The following REEP3 variants were observed in gnomAD, a reference collection of about 807,000 sequenced individuals.
REEP3 encodes the protein receptor accessory protein 3.
A neutral mutation model predicts 41.3 loss-of-function variants in REEP3; 20 were observed. The ratio of observed to expected loss-of-function variants is 0.48; its 90% CI spans 0.34 to 0.70. REEP3 has a LOEUF of 0.70. Among genes scored for constraint, REEP3 ranks in the 30% least tolerant of loss-of-function variants. REEP3 has a pLI of 0.01. For synonymous variants in REEP3, 104 were observed against 101.8 expected, an observed-to-expected ratio of 1.02 and a Z score of -0.13; for missense variants, 271 against 308.8, an observed-to-expected ratio of 0.88 and a Z score of 0.92.
At chr10:63,594,654 A>G (rs898127448) in intron 2 of REEP3, 124 bp from the exon 3 acceptor site, 1 of 675,680 alleles carries the variant, frequency 1.5e-6, no homozygotes, top group Non-Finnish European at 2.6e-6. Context: ...CATACTATGT[A>G]TCCAGAAATA....
At chr10:63,574,481 T>C (rs1371702144) in intron 2 of REEP3, among the ~76,000 whole-genome samples, 1 of 152,216 alleles carries the variant, frequency 6.6e-6, no homozygotes, top group African/African-American at 2.4e-5. Flanking sequence ...AATCAGTAAG[T>C]AGTAGTAAAT....
At chr10:63,619,992 C>T (rs1956341670) in intron 7 of REEP3, among the ~76,000 whole-genome samples, 192 bp downstream of exon 7, 1 of 137,944 alleles carries the variant, frequency 7.2e-6, no homozygotes, top group African/African-American at 2.8e-5. Flanking sequence ...AATTGGAGTG[C>T]AGTGTGGCGT....
chr10:63,533,283 C>A (rs553524587), intron 1 of REEP3, among the ~76,000 whole-genome samples: 4 of 152,270 alleles, frequency 2.6e-5, no homozygotes, highest in Admixed American at 1.3e-4. Flanking sequence ...GAACAACAAG[C>A]CTAGTCGTTC....
intron 5 of REEP3, among the ~76,000 whole-genome samples, chr10:63,603,226 TGG>T: frequency 7.1e-6 from 1 of 139,874 alleles, no homozygotes; most frequent in South Asian, 2.3e-4. Context: ...GGCAGGAGAA[TGG>T]TGTGAACCCA....
chr10:63,526,482 G>T (rs1240334637), intron 1 of REEP3, among the ~76,000 whole-genome samples: 1 of 152,194 alleles, frequency 6.6e-6, no homozygotes, highest in African/African-American at 2.4e-5. Context: ...TCATTGATAT[G>T]AATTGCCAGA....
At chr10:63,608,000 G>A (rs1173058820) in intron 5 of REEP3, among the ~76,000 whole-genome samples, 1 of 152,148 alleles carries the variant, frequency 6.6e-6, no homozygotes, top group Non-Finnish European at 1.5e-5. Flanking sequence ...TGAGTAAAGG[G>A]TATCATGGAC....
intron 2 of REEP3, among the ~76,000 whole-genome samples, chr10:63,573,870 G>T (rs1589872235): frequency 6.6e-6 from 1 of 152,114 alleles, no homozygotes; most frequent in South Asian, 2.1e-4. Flanking sequence ...TAATAATTTA[G>T]AAAGTTTAAA....
In REEP3 at chr10:63,618,117, C is replaced by T. The variant is rs952613259; in HGVS notation, c.566-1538C>T. Among the ~76,000 whole-genome samples, 11 of 151,098 alleles carry T rather than the reference C, an allele frequency of 7.3e-5. No individual in the cohort carries two copies. In the South Asian group the frequency reaches 1.0e-3, roughly 14 times the overall value. On this transcript the variant is annotated intron_variant, in intron 6 of 7. Transcript: ENST00000373758. ...CTGGGATTACAGGTGTGAGCCACTG[C>T]GCCTGGCTGTAAGTCCTTCCACTTT... is the stretch of plus-strand genomic sequence containing the variant.
In REEP3 at chr10:63,621,754, AT is replaced by A. The variant is rs1185282599; in HGVS notation, c.*889del. 6.6e-6 allele frequency: 1 copy of A among 152,292 alleles called. No homozygotes were observed. Among genetic ancestry groups the A allele is most frequent in the East Asian group, 1.9e-4 (1 of 5,198 alleles). The allele number at this position is 152,292 out of a possible 1,614,324, so 9.4% of individuals were successfully genotyped here. ...ACATGTTTTTGTCAACACCAATTACATTTTCAGCTTTTAAAAATGGTAGCTT... is the reference window on the plus strand; with the variant it reads ...ACATGTTTTTGTCAACACCAATTACATTTCAGCTTTTAAAAATGGTAGCTT... On this transcript the variant is annotated 3_prime_UTR_variant, in exon 8 of 8. Coordinates refer to ENST00000373758, the MANE Select transcript of REEP3 (RefSeq NM_001001330.3).
At chr10:63,610,417 G>A in intron 6 of REEP3, 83 bp downstream of exon 6, 1 of 1,331,354 alleles carries the variant, frequency 7.5e-7, no homozygotes, top group Non-Finnish European at 1.0e-6. Context: ...GTCGGGGGGT[G>A]GGGCACAAGG....
In REEP3 at chr10:63,521,490, G is replaced by A. The variant is rs1430895754; in HGVS notation, c.-56G>A. On this transcript the variant is annotated 5_prime_UTR_variant, in exon 1 of 8. Transcript: ENST00000373758. ...CGCGCGGCCTGCCGTTGGCGGCCTG[G>A]TCCGCAGCGCCCTGCGCCCACCCGC... 29 of 1,278,866 alleles carry A rather than the reference G, an allele frequency of 2.3e-5. No individual in the cohort carries two copies. The highest frequency in any genetic ancestry group is 2.8e-5 in the Non-Finnish European group (28 of 984,094). The allele number at this position is 1,278,866 out of a possible 1,614,324, so 79.2% of individuals were successfully genotyped here. A position where few individuals can be genotyped will look rare whatever the true frequency, so the allele number is the denominator to read the frequency against.
chr10:63,577,895 A>G (rs896846197), intron 2 of REEP3, among the ~76,000 whole-genome samples: 10 of 152,090 alleles, frequency 6.6e-5, no homozygotes, highest in Admixed American at 2.0e-4. Flanking sequence ...TCCTGGTTCC[A>G]AAATTCTTAT....
chr10:63,621,093 A>T lies in REEP3; in HGVS notation c.*224A>T. 1 of 376,224 alleles carries T rather than the reference A, an allele frequency of 2.7e-6. No individual in the cohort carries two copies. The highest frequency in any genetic ancestry group is 4.9e-5 in the South Asian group (1 of 20,516). 23.3% of individuals were successfully genotyped at this position (376,224 alleles called of 1,614,324 possible). On this transcript the variant is annotated 3_prime_UTR_variant, in exon 8 of 8. Coordinates refer to ENST00000373758, the MANE Select transcript of REEP3 (RefSeq NM_001001330.3). ...AGATGTACTAAATATGTATATTAGA[A>T]ATTATAGAAAATCATGTTGTCCGTT... is the stretch of plus-strand genomic sequence containing the variant.
At chr10:63,542,079 G>GTT (rs1205982498) in intron 1 of REEP3, among the ~76,000 whole-genome samples, 2 of 83,588 alleles carry the variant, frequency 2.4e-5, no homozygotes, top group African/African-American at 5.5e-5. Context: ...TTTTGTTTTT[G>GTT]TTTTTGTTTT....
chr10:63,621,633 G>C lies in REEP3; in HGVS notation c.*764G>C, dbSNP rs1956354266. Reference sequence around the variant, plus strand: ...ATATAAAAGTATAGCTAATTGTTCAGTTTTAACTATTTTTAATTATCTTCT... The same window carrying C: ...ATATAAAAGTATAGCTAATTGTTCACTTTTAACTATTTTTAATTATCTTCT... On this transcript the variant is annotated 3_prime_UTR_variant, in exon 8 of 8. Coordinates refer to ENST00000373758, the MANE Select transcript of REEP3 (RefSeq NM_001001330.3). The C allele has an allele frequency of 6.6e-6, 1 of 152,542 alleles. No individual in the cohort carries two copies. Among genetic ancestry groups the C allele is most frequent in the Admixed American group, 6.6e-5 (1 of 15,262 alleles). 9.4% of individuals were successfully genotyped at this position (152,542 alleles called of 1,614,324 possible).
chr10:63,534,431 G>A (rs969228560), intron 1 of REEP3, among the ~76,000 whole-genome samples: 2 of 151,942 alleles, frequency 1.3e-5, no homozygotes, highest in African/African-American at 2.4e-5. Context: ...TTTATATTTT[G>A]TAGAGATAGG....
chr10:63,558,003 A>T (rs1261496873), intron 1 of REEP3, among the ~76,000 whole-genome samples: 2 of 152,204 alleles, frequency 1.3e-5, no homozygotes, highest in Non-Finnish European at 2.9e-5. Flanking sequence ...TAAATCTCTC[A>T]TATGAAATTT....
chr10:63,532,902 C>A (rs1405858961), intron 1 of REEP3, among the ~76,000 whole-genome samples: 1 of 152,090 alleles, frequency 6.6e-6, no homozygotes, highest in Non-Finnish European at 1.5e-5. Flanking sequence ...GAGACCCTGT[C>A]TCATAAAAAA....
At chr10:63,531,693 G>A (rs1488750865) in intron 1 of REEP3, among the ~76,000 whole-genome samples, 1 of 151,920 alleles carries the variant, frequency 6.6e-6, no homozygotes, top group East Asian at 1.9e-4. Flanking sequence ...TTTTATCATC[G>A]CAGAGTTCTG....
Sources: allele counts gnomAD v4.1 joint callset (sites outside exome capture counted in the v4.1 genomes callset), GRCh38; gene constraint gnomAD v4.1.1; transcripts MANE v1.5; gene names NCBI Gene and HGNC (gene_info 2026-07-23, HGNC 2026-07-21).